The following EPC1 variants were observed in gnomAD, a reference collection of about 807,000 sequenced individuals.
The protein encoded by EPC1 is enhancer of polycomb homolog 1.
In EPC1, 12 loss-of-function variants were observed where a neutral mutation model predicts 98.4. The observed-to-expected ratio is 0.12, with a 90% CI of 0.08 to 0.20. The LOEUF (loss-of-function observed/expected upper bound fraction) is 0.20, where lower values mean the gene tolerates loss of function less well. Among genes scored for constraint, EPC1 ranks in the 10% least tolerant of loss-of-function variants. The pLI is 1.00. For missense variants in EPC1, 729 were observed against 990.5 expected (o/e 0.74, Z 3.54); for synonymous variants, 357 against 363.9 (o/e 0.98, Z 0.21).
intron 2 of EPC1, among the ~76,000 whole-genome samples, chr10:32,302,336 A>G (rs548830918): frequency 6.6e-6 from 1 of 151,852 alleles, no homozygotes; most frequent in Non-Finnish European, 1.5e-5. Context: ...CAACATTAAG[A>G]CACCCATCCC....
chr10:32,299,072 T>C (rs913401501), intron 2 of EPC1, among the ~76,000 whole-genome samples: 1 of 152,260 alleles, frequency 6.6e-6, no homozygotes, highest in African/African-American at 2.4e-5. Flanking sequence ...TTATTTTGTT[T>C]TATCATACGC....
intron 10 of EPC1, among the ~76,000 whole-genome samples, chr10:32,280,950 A>G (rs1836380866): frequency 6.6e-6 from 1 of 152,210 alleles, no homozygotes; most frequent in Non-Finnish European, 1.5e-5. Flanking sequence ...TTGACCTGAT[A>G]CTACAAGTGG....
intron 1 of EPC1, among the ~76,000 whole-genome samples, chr10:32,338,711 T>A (rs772438759): frequency 6.6e-6 from 1 of 152,164 alleles, no homozygotes; most frequent in African/African-American, 2.4e-5. Flanking sequence ...TCAGGCCACA[T>A]GTTTCCTAAC....
chr10:32,351,918 AGG>A (rs1839123405), upstream of EPC1, among the ~76,000 whole-genome samples: 1 of 150,320 alleles, frequency 6.7e-6, no homozygotes, highest in South Asian at 2.1e-4. Context: ...TTTTTTAGTA[AGG>A]ACAGGGTTTC....
chr10:32,324,906 T>C (rs571306635), intron 1 of EPC1, among the ~76,000 whole-genome samples: 1 of 152,072 alleles, frequency 6.6e-6, no homozygotes, highest in Non-Finnish European at 1.5e-5. Flanking sequence ...GGCAGGAAAA[T>C]GGCAAACCTG....
intron 1 of EPC1, among the ~76,000 whole-genome samples, chr10:32,324,701 G>A (rs11596681): frequency 0.29 from 43,950 of 151,094 alleles, 6,500 homozygotes; most frequent in South Asian, 0.39. Flanking sequence ...AAACAAACAA[G>A]AACACATTTT....
intron 10 of EPC1, among the ~76,000 whole-genome samples, chr10:32,280,493 C>T (rs867910271): frequency 6.6e-6 from 1 of 151,530 alleles, no homozygotes; most frequent in African/African-American, 2.4e-5. Flanking sequence ...GTAATCCCAG[C>T]ATATTGGGAG....
intron 2 of EPC1, among the ~76,000 whole-genome samples, chr10:32,296,776 G>A (rs1351635435): frequency 2.0e-5 from 3 of 151,958 alleles, no homozygotes; most frequent in Admixed American, 6.6e-5. Flanking sequence ...GCGTGGTGGC[G>A]GGTGCCTGTA....
intron 1 of EPC1, among the ~76,000 whole-genome samples, chr10:32,310,323 G>C (rs1465989415): frequency 6.6e-6 from 1 of 152,208 alleles, no homozygotes; most frequent in Non-Finnish European, 1.5e-5. Context: ...TTTCCAGCAA[G>C]AGTTTTATTA....
intron 1 of EPC1, among the ~76,000 whole-genome samples, chr10:32,307,362 G>A (rs911921622): frequency 8.5e-5 from 13 of 152,166 alleles, no homozygotes; most frequent in African/African-American, 3.1e-4. Context: ...GTATATCTAA[G>A]GTTGTAACAA....
At chr10:32,273,017 T>TA in intron 11 of EPC1, 146 bp downstream of exon 11, 1 of 1,613,960 alleles carries the variant, frequency 6.2e-7, no homozygotes, top group Non-Finnish European at 8.5e-7. Context: ...TACTCACCTG[T>TA]AGTGTTCTTT....
At chr10:32,272,925 C>G in intron 11 of EPC1, 1 of 1,090,594 alleles carries the variant, frequency 9.2e-7, no homozygotes, top group African/African-American at 1.6e-5. Flanking sequence ...ACAGGTCAGA[C>G]GGGAAGACAG....
chr10:32,337,500 C>T (rs1425058343), intron 1 of EPC1, among the ~76,000 whole-genome samples: 1 of 152,206 alleles, frequency 6.6e-6, no homozygotes, highest in Non-Finnish European at 1.5e-5. Context: ...TAGGCCTCCC[C>T]ACACTCTGAA....
intron 13 of EPC1, among the ~76,000 whole-genome samples, chr10:32,271,085 A>G (rs1190450288): frequency 6.6e-6 from 1 of 151,358 alleles, no homozygotes; most frequent in African/African-American, 2.4e-5. Context: ...TCCACCTCCC[A>G]GGTTCAAGCG....
chr10:32,278,383 TTG>T (rs1441791481), intron 10 of EPC1, among the ~76,000 whole-genome samples: 17 of 137,534 alleles, frequency 1.2e-4, no homozygotes, highest in Non-Finnish European at 1.9e-4. Context: ...TTTTTTTTTT[TTG>T]TTTTTTTTTT....
intron 1 of EPC1, among the ~76,000 whole-genome samples, chr10:32,339,329 G>A (rs1287366916): frequency 6.6e-6 from 1 of 152,140 alleles, no homozygotes; most frequent in African/African-American, 2.4e-5. Flanking sequence ...AGAGCTAGAG[G>A]CTAGAGTAAG....
rs144826046 is a variant in EPC1, at chr10:32,284,817, T to A, written c.1625A>T (p.Asp542Val). ...RTPSLHDSDN[D>V]ELSCRKLYRS... ...ATATAATTTTCTACAGGAGAGTTCA[T>A]CATTGTCACTGTCATGTAGGGATGG... The change falls in exon 10 of 14, where the codon GAT (aspartate) becomes GTT (valine). Residue 542 changes from aspartate to valine, a missense_variant. Asp to Val is a radical substitution (Grantham distance 152). This residue lies in a region of EPC1 where 390 missense variants were observed against 438.6 expected (regional missense o/e 0.89). Coordinates refer to ENST00000319778, the MANE Select transcript of EPC1 (RefSeq NM_001272004.3). The A allele has an allele frequency of 2.8e-5, 46 of 1,614,204 alleles. No homozygotes were observed. In the African/African-American group the frequency reaches 5.6e-4, roughly 20 times the overall value.
At chr10:32,347,245 A>C, upstream of EPC1, 1 of 1,182,082 alleles carries the variant, frequency 8.5e-7, no homozygotes. Flanking sequence ...CGCGGGCTCG[A>C]GGCCGGCGCC....
chr10:32,328,918 G>A (rs1331254004), intron 1 of EPC1, among the ~76,000 whole-genome samples: 2 of 152,202 alleles, frequency 1.3e-5, no homozygotes, highest in African/African-American at 4.8e-5. Flanking sequence ...ACACATACAG[G>A]TCTGATATAC....
Sources: gnomAD v4.1 joint callset for allele counts (sites outside exome capture counted in the v4.1 genomes callset) on GRCh38, gnomAD v4.1.1 for gene constraint, gnomAD v4.1.1 regional missense constraint, MANE v1.5 for transcripts, NCBI Gene and HGNC (gene_info 2026-07-23, HGNC 2026-07-21) for gene names.